GPRC5B: variants seen among roughly 807,000 people sequenced by gnomAD.
The protein encoded by GPRC5B is G protein-coupled receptor family C group 5 member B.
A neutral mutation model predicts 30.1 loss-of-function variants in GPRC5B; 16 were observed. That is an observed-to-expected ratio of 0.53 (90% CI 0.36 to 0.81). GPRC5B has a LOEUF of 0.81. Ranked by LOEUF, GPRC5B falls within the 30% of genes least tolerant of loss-of-function variation. The pLI is 0.01. For missense variants in GPRC5B, 428 were observed against 544.7 expected, an observed-to-expected ratio of 0.79 and a Z score of 2.13; for synonymous variants, 241 against 239.5, an observed-to-expected ratio of 1.01 and a Z score of -0.06.
chr16:19,863,316 C>A (rs749027366), intron 2 of GPRC5B, among the ~76,000 whole-genome samples: 14 of 151,828 alleles, frequency 9.2e-5, no homozygotes, highest in Admixed American at 9.2e-4. Context: ...TGCCACCATG[C>A]GTGGCTAATT....
Position 19,872,321 on chromosome 16 carries a change from G to T in GPRC5B, c.525C>A (p.Ile175=). 1 of 1,614,106 alleles carries T rather than the reference G, an allele frequency of 6.2e-7. No individual in the cohort carries two copies. The highest frequency in any genetic ancestry group is 1.1e-5 in the South Asian group (1 of 91,080). ...TGAGCACCAGCCACTCCACAGCGAT[G>T]ATGACTTGCACCAGCATCAGGCACA... ...LALCLMLVQV[I]IAVEWLVLTV... The change falls in exon 2 of 4, where the codon ATC becomes ATA. Residue 175 remains isoleucine (I), a synonymous_variant. Coordinates refer to ENST00000300571, the MANE Select transcript of GPRC5B (RefSeq NM_016235.3). This position sits in a 1 kb window ranked among gnomAD's most constrained non-coding sequence, Gnocchi z 5.0.
At position 19,860,380 on chromosome 16, in the gene GPRC5B, A is replaced by G. The variant is rs1172735560; in HGVS notation, c.*120T>C. On this transcript the variant is annotated 3_prime_UTR_variant, in exon 4 of 4. Transcript: ENST00000300571. Reference sequence around the variant, plus strand: ...GAAATCCCCTTGGCTAGGATTTCCAAATTTCCTGGCTGTGAGGCGGCCTGG... The same window carrying G: ...GAAATCCCCTTGGCTAGGATTTCCAGATTTCCTGGCTGTGAGGCGGCCTGG... 3 of 663,108 alleles carry G rather than the reference A, an allele frequency of 4.5e-6. No homozygotes were observed. Among genetic ancestry groups the G allele is most frequent in the Non-Finnish European group, 8.1e-6 (3 of 371,928 alleles). The allele number at this position is 663,108 out of a possible 1,614,324, so 41.1% of individuals were successfully genotyped here. A position where few individuals can be genotyped will look rare whatever the true frequency, so the allele number is the denominator to read the frequency against.
Position 19,858,553 on chromosome 16 carries a change from G to A in GPRC5B, c.*1947C>T, listed in dbSNP as rs2056593153. The stretch of plus-strand genomic sequence containing the variant: ...GGGGTGAGTAACCATTTCCTGGCAC[G>A]AGAATGTGTAATGCTGTCGTTTTTT... On this transcript the variant is annotated 3_prime_UTR_variant, in exon 4 of 4. Transcript: ENST00000300571. 2 of 692,052 alleles carry A rather than the reference G, an allele frequency of 2.9e-6. No individual in the cohort carries two copies. The highest frequency in any genetic ancestry group is 5.3e-6 in the Non-Finnish European group (2 of 380,352). 42.9% of individuals were successfully genotyped at this position (692,052 alleles called of 1,614,324 possible).
chr16:19,882,350 C>T (rs145896769), intron 1 of GPRC5B: 2 of 152,280 alleles, frequency 1.3e-5, no homozygotes, highest in East Asian at 3.9e-4. Context: ...CTTGGCTGCC[C>T]GATCCACAGT....
rs2056576453 is a variant in GPRC5B at position 19,857,485 on chromosome 16, G to A, written c.*3015C>T. The stretch of plus-strand genomic sequence containing the variant: ...AACAGTCAGCCGGGGGAAGATAAAG[G>A]TACATTATAAAACACACATTAATGC... On this transcript the variant is annotated 3_prime_UTR_variant, in exon 4 of 4. Coordinates refer to ENST00000300571, the MANE Select transcript of GPRC5B (RefSeq NM_016235.3). The A allele has an allele frequency of 6.9e-6, 3 of 433,524 alleles. No individual in the cohort carries two copies. Among genetic ancestry groups the A allele is most frequent in the African/African-American group, 2.1e-5 (1 of 48,324 alleles). The allele number at this position is 433,524 out of a possible 1,614,324, so 26.9% of individuals were successfully genotyped here. A position where few individuals can be genotyped will look rare whatever the true frequency, so the allele number is the denominator to read the frequency against.
intron 1 of GPRC5B, among the ~76,000 whole-genome samples, chr16:19,874,113 C>A (rs779743952): frequency 2.6e-5 from 4 of 152,124 alleles, no homozygotes; most frequent in African/African-American, 4.8e-5. Context: ...TTCCAGGCTG[C>A]GTCTCTCCCT....
At chr16:19,884,458 C>T (rs1258539835) in intron 1 of GPRC5B, among the ~76,000 whole-genome samples, 1 of 151,284 alleles carries the variant, frequency 6.6e-6, no homozygotes, top group Non-Finnish European at 1.5e-5. Context: ...TGGATCTCTA[C>T]CTGGTCCGGG....
chr16:19,871,163 A>G (rs1304375715), intron 2 of GPRC5B, among the ~76,000 whole-genome samples: 2 of 151,312 alleles, frequency 1.3e-5, no homozygotes, highest in African/African-American at 4.9e-5. Context: ...GTATGCATGC[A>G]GTTCCAGCTA....
chr16:19,858,757 C>T lies in GPRC5B; in HGVS notation c.*1743G>A, dbSNP rs547796230. On this transcript the variant is annotated 3_prime_UTR_variant, in exon 4 of 4. Transcript: ENST00000300571. ...GGGATTCTCTAGAAGCAAGCACATG[C>T]TCTGGGCAGAGGCGGGGTGCTTCCG... 2 of 417,384 alleles carry T rather than the reference C, an allele frequency of 4.8e-6. No individual in the cohort carries two copies. The highest frequency in any genetic ancestry group is 4.1e-5 in the African/African-American group (2 of 49,112). The allele number at this position is 417,384 out of a possible 1,614,324, so 25.9% of individuals were successfully genotyped here. A position where few individuals can be genotyped will look rare whatever the true frequency, so the allele number is the denominator to read the frequency against.
chr16:19,867,459 C>G (rs542086283), intron 2 of GPRC5B, among the ~76,000 whole-genome samples: 4 of 152,198 alleles, frequency 2.6e-5, no homozygotes, highest in African/African-American at 9.7e-5. Flanking sequence ...ACCGGGCCCC[C>G]AGGAAGCCCC....
Position 19,858,882 on chromosome 16 carries a change from G to C in GPRC5B, c.*1618C>G, listed in dbSNP as rs2056596816. The C allele has an allele frequency of 4.5e-6, 1 of 224,584 alleles. No homozygotes were observed. Among genetic ancestry groups the C allele is most frequent in the Non-Finnish European group, 8.6e-6 (1 of 116,020 alleles). The allele number at this position is 224,584 out of a possible 1,614,324, so 13.9% of individuals were successfully genotyped here. A position where few individuals can be genotyped will look rare whatever the true frequency, so the allele number is the denominator to read the frequency against. Reference sequence around the variant, plus strand: ...TAACTGTTAAGGAAAACTCGAAGGCGGGTCACACAGGGAGGGCCAGATTGG... The same window carrying C: ...TAACTGTTAAGGAAAACTCGAAGGCCGGTCACACAGGGAGGGCCAGATTGG... On this transcript the variant is annotated 3_prime_UTR_variant, in exon 4 of 4. Transcript: ENST00000300571.
Position 19,884,700 on chromosome 16 carries a change from C to T in GPRC5B, c.-2+27G>A, listed in dbSNP as rs1391874990. The T allele has an allele frequency of 4.0e-5, 39 of 985,220 alleles. No individual in the cohort carries two copies. In the South Asian group the frequency reaches 1.7e-3, roughly 43 times the overall value. 61.0% of individuals were successfully genotyped at this position (985,220 alleles called of 1,614,324 possible). ...TTTCTGGGGTCCCCACAGCGTCCTC[C>T]ACTGCATCGGCGCAGCTCGCACTTA... On this transcript the variant is annotated intron_variant, in intron 1 of 3. Coordinates refer to ENST00000300571, the MANE Select transcript of GPRC5B (RefSeq NM_016235.3).
At chr16:19,870,499 G>C (rs1169239517) in intron 2 of GPRC5B, among the ~76,000 whole-genome samples, 1 of 152,208 alleles carries the variant, frequency 6.6e-6, no homozygotes, top group East Asian at 1.9e-4. Flanking sequence ...AAAAACTGAG[G>C]CTCACGAAAG....
intron 1 of GPRC5B, among the ~76,000 whole-genome samples, chr16:19,883,005 C>T (rs2056819059): frequency 6.6e-6 from 1 of 152,168 alleles, no homozygotes; most frequent in Non-Finnish European, 1.5e-5. Context: ...ATCTCAGGTA[C>T]ATACACCCCT....
chr16:19,878,865 CA>C (rs1004995158), intron 1 of GPRC5B, among the ~76,000 whole-genome samples: 1 of 152,200 alleles, frequency 6.6e-6, no homozygotes, highest in Non-Finnish European at 1.5e-5. Context: ...CTCGGGCTGG[CA>C]AAAGCAGCAA....
intron 2 of GPRC5B, among the ~76,000 whole-genome samples, chr16:19,871,194 G>A (rs1014350786): frequency 1.4e-5 from 2 of 142,692 alleles, no homozygotes; most frequent in East Asian, 4.3e-4. Context: ...TGAGTTGGGA[G>A]GATTGCTTTA....
In GPRC5B at chr16:19,860,432, T is replaced by A. The variant is rs2056611604; in HGVS notation, c.*68A>T. ...TCGGCAACTGTTACCGATTTCTCCCTCAAGAAAGACACAGCCAGGGAGGCA... is the reference window on the plus strand; with the variant it reads ...TCGGCAACTGTTACCGATTTCTCCCACAAGAAAGACACAGCCAGGGAGGCA... On this transcript the variant is annotated 3_prime_UTR_variant, in exon 4 of 4. Coordinates refer to ENST00000300571, the MANE Select transcript of GPRC5B (RefSeq NM_016235.3). 9.8e-7 allele frequency: 1 copy of A among 1,016,544 alleles called. No homozygotes were observed. 63.0% of individuals were successfully genotyped at this position (1,016,544 alleles called of 1,614,324 possible). A position where few individuals can be genotyped will look rare whatever the true frequency, so the allele number is the denominator to read the frequency against.
At chr16:19,878,878 A>G (rs1248794630) in intron 1 of GPRC5B, among the ~76,000 whole-genome samples, 2 of 152,112 alleles carry the variant, frequency 1.3e-5, no homozygotes. Flanking sequence ...AAGCAGCAAC[A>G]TCGCCCTGGA....
intron 1 of GPRC5B, among the ~76,000 whole-genome samples, chr16:19,875,650 G>A (rs542755932): frequency 6.6e-6 from 1 of 152,034 alleles, no homozygotes; most frequent in South Asian, 2.1e-4. Context: ...GTGGTGCCAC[G>A]TGCCTATAGT....
Sources: gnomAD v4.1 joint callset for allele counts (sites outside exome capture counted in the v4.1 genomes callset) on GRCh38, gnomAD v4.1.1 for gene constraint, Gnocchi (gnomAD v3.1) non-coding constraint, MANE v1.5 for transcripts, NCBI Gene and HGNC (gene_info 2026-07-23, HGNC 2026-07-21) for gene names.